NAALADL2: variants seen among roughly 807,000 people sequenced by gnomAD.
The protein encoded by NAALADL2 is N-acetylated alpha-linked acidic dipeptidase like 2.
A neutral mutation model predicts 87.2 loss-of-function variants in NAALADL2; 76 were observed. The observed-to-expected ratio is 0.87, with a 90% confidence interval of 0.72 to 1.05. The LOEUF is 1.05. Among genes scored for constraint, NAALADL2 ranks in the 50% least tolerant of loss-of-function variants. The pLI is 0.00. For missense variants in NAALADL2, 1,089 were observed against 945.8 expected (o/e 1.15, Z -1.99); for synonymous variants, 354 against 331.0 (o/e 1.07, Z -0.75).
At chr3:174,804,466 CTTGCTTGA>C (rs1719222133) in intron 3 of NAALADL2, among the ~76,000 whole-genome samples, 1 of 152,112 alleles carries the variant, frequency 6.6e-6, no homozygotes, top group Non-Finnish European at 1.5e-5. Flanking sequence ...ATTTCTTTCT[CTTGCTTGA>C]TTGCCCTAGC....
intron 10 of NAALADL2, among the ~76,000 whole-genome samples, chr3:175,579,607 A>G (rs2149569709): frequency 6.6e-6 from 1 of 152,328 alleles, no homozygotes; most frequent in South Asian, 2.1e-4. Flanking sequence ...TGCCTTGTTA[A>G]TTGAAACATT....
intron 1 of NAALADL2, among the ~76,000 whole-genome samples, chr3:174,549,085 C>G (rs1034775252): frequency 2.2e-4 from 33 of 152,212 alleles, no homozygotes; most frequent in African/African-American, 7.5e-4. Flanking sequence ...AAATGTTTCA[C>G]CTGCTTTAGC....
chr3:175,348,032 A>C (rs1412285819), intron 5 of NAALADL2, among the ~76,000 whole-genome samples: 1 of 151,788 alleles, frequency 6.6e-6, no homozygotes, highest in African/African-American at 2.4e-5. Flanking sequence ...GATGGCTTCA[A>C]AAAAAAAGGT....
chr3:175,276,249 C>G (rs564969943), intron 4 of NAALADL2, among the ~76,000 whole-genome samples: 1 of 149,658 alleles, frequency 6.7e-6, no homozygotes, highest in Non-Finnish European at 1.5e-5. Flanking sequence ...CTTTGTGGTA[C>G]AATTAAAAAA....
chr3:175,784,204 G>T (rs1400852930), intron 13 of NAALADL2, among the ~76,000 whole-genome samples: 1 of 148,960 alleles, frequency 6.7e-6, no homozygotes, highest in Non-Finnish European at 1.5e-5. Context: ...GTATCAGAAT[G>T]ATGCTGGCCT....
chr3:175,248,593 G>C (rs1401320559), intron 3 of NAALADL2, among the ~76,000 whole-genome samples: 1 of 151,732 alleles, frequency 6.6e-6, no homozygotes, highest in Non-Finnish European at 1.5e-5. Context: ...TTCTCTGTTT[G>C]GATATATACA....
intron 1 of NAALADL2, among the ~76,000 whole-genome samples, chr3:174,882,755 GTATATATACACACGTGTA>G (rs1560319384): frequency 4.3e-5 from 6 of 138,280 alleles, no homozygotes; most frequent in Non-Finnish European, 8.1e-5. Context: ...ATACACACGT[GTATATATACACACGTGTA>G]TATATACATA....
chr3:175,513,050 G>C (rs1731371611), intron 9 of NAALADL2, among the ~76,000 whole-genome samples: 1 of 152,178 alleles, frequency 6.6e-6, no homozygotes, highest in Non-Finnish European at 1.5e-5. Flanking sequence ...TGAACATGCT[G>C]TTCTGAGCTC....
intron 1 of NAALADL2, among the ~76,000 whole-genome samples, chr3:175,085,676 G>A (rs1418114500): frequency 6.6e-6 from 1 of 152,164 alleles, no homozygotes; most frequent in Admixed American, 6.5e-5. Flanking sequence ...TGTAATCCCA[G>A]CACTTTGGGA....
chr3:174,972,634 G>A (rs939386667), intron 1 of NAALADL2, among the ~76,000 whole-genome samples: 6 of 152,068 alleles, frequency 3.9e-5, no homozygotes, highest in African/African-American at 9.7e-5. Context: ...CTGAGTGTTA[G>A]GACTGCAACA....
At chr3:174,605,057 G>T (rs1029729520) in intron 2 of NAALADL2, among the ~76,000 whole-genome samples, 14 of 152,110 alleles carry the variant, frequency 9.2e-5, no homozygotes, top group African/African-American at 2.9e-4. Context: ...CTGGCTCATT[G>T]TATGTTTTTT....
intron 4 of NAALADL2, among the ~76,000 whole-genome samples, chr3:175,292,756 T>G (rs115426940): frequency 0.025 from 3,826 of 151,762 alleles, 153 homozygotes; most frequent in African/African-American, 0.085. Flanking sequence ...GAAGAAAACG[T>G]CCGGGCGCGG....
At chr3:174,875,535 A>G (rs1175236414) in intron 1 of NAALADL2, among the ~76,000 whole-genome samples, 1 of 152,206 alleles carries the variant, frequency 6.6e-6, no homozygotes, top group African/African-American at 2.4e-5. Flanking sequence ...TAATCTCAAC[A>G]GCATTAAAAT....
intron 11 of NAALADL2, among the ~76,000 whole-genome samples, chr3:175,727,981 G>A (rs1329631830): frequency 6.6e-6 from 1 of 152,158 alleles, no homozygotes; most frequent in Non-Finnish European, 1.5e-5. Context: ...GCTAGTTTCT[G>A]TGATGTGAGT....
intron 3 of NAALADL2, among the ~76,000 whole-genome samples, chr3:175,251,154 G>C (rs989546744): frequency 1.3e-5 from 2 of 152,182 alleles, no homozygotes; most frequent in African/African-American, 4.8e-5. Flanking sequence ...ACTTTTTAAA[G>C]TGTGGAAATC....
chr3:175,551,513 C>T (rs1324385324), intron 9 of NAALADL2, among the ~76,000 whole-genome samples: 1 of 152,128 alleles, frequency 6.6e-6, no homozygotes, highest in Non-Finnish European at 1.5e-5. Flanking sequence ...CCTATACAAT[C>T]AAATTAAGGG....
chr3:174,997,044 GTATATA>G (rs146460251), intron 1 of NAALADL2, among the ~76,000 whole-genome samples: 1 of 101,544 alleles, frequency 9.8e-6, no homozygotes, highest in Non-Finnish European at 2.0e-5. Context: ...GTGTGTATGT[GTATATA>G]TATATATATT....
intron 5 of NAALADL2, among the ~76,000 whole-genome samples, chr3:175,440,057 T>A (rs1462329125): frequency 6.6e-6 from 1 of 152,196 alleles, no homozygotes; most frequent in African/African-American, 2.4e-5. Flanking sequence ...TGAGTTGATT[T>A]TTGTATAAGA....
At chr3:175,105,093 G>A (rs1478942906) in intron 2 of NAALADL2, among the ~76,000 whole-genome samples, 1 of 152,104 alleles carries the variant, frequency 6.6e-6, no homozygotes, top group Non-Finnish European at 1.5e-5. Flanking sequence ...ATCTTAACCT[G>A]TTAAAATACT....
Sources: gnomAD v4.1 joint callset for allele counts (sites outside exome capture counted in the v4.1 genomes callset) on GRCh38, gnomAD v4.1.1 for gene constraint, MANE v1.5 for transcripts, NCBI Gene and HGNC (gene_info 2026-07-23, HGNC 2026-07-21) for gene names.